Variants in PCDHGA4 observed in about 807,000 individuals in gnomAD.
The protein encoded by PCDHGA4 is protocadherin gamma-A4.
PCDHGA4 carries 38 observed loss-of-function variants against 54.6 expected under a neutral mutation model. The ratio of observed to expected loss-of-function variants is 0.70; its 90% CI spans 0.54 to 0.91. The LOEUF (loss-of-function observed/expected upper bound fraction) is 0.91, where lower values mean the gene tolerates loss of function less well. Among genes scored for constraint, PCDHGA4 ranks in the 40% least tolerant of loss-of-function variants. The probability of loss-of-function intolerance (pLI) is 0.00; values close to 1 mark genes in which losing one functional copy is unlikely to be tolerated. For missense variants in PCDHGA4, 1,298 were observed against 1,220.9 expected (o/e 1.06, Z -0.94); for synonymous variants, 511 against 512.9 (o/e 1.00, Z 0.05).
At chr5:141,362,596 G>T (rs1762590213) in intron 1 of PCDHGA4, 2 of 1,584,024 alleles carry the variant, frequency 1.3e-6, no homozygotes, top group Non-Finnish European at 1.7e-6. Context: ...TGGTTTTATT[G>T]TTTCACCTAA....
chr5:141,413,337 G>A, intron 1 of PCDHGA4: 1 of 1,613,978 alleles, frequency 6.2e-7, no homozygotes, highest in Non-Finnish European at 8.5e-7. Flanking sequence ...ACATCTCCAA[G>A]GACTTGGGTC....
In PCDHGA4 at chr5:141,431,213, TTCCC is replaced by T. The variant is rs1373533151; in HGVS notation, c.2515-63591_2515-63588del. 1 of 1,614,142 alleles carries T rather than the reference TTCCC, an allele frequency of 6.2e-7. No homozygotes were observed. Among genetic ancestry groups the T allele is most frequent in the Admixed American group, 1.7e-5 (1 of 60,020 alleles). On this transcript the variant is annotated intron_variant, in intron 1 of 3. Transcript: ENST00000571252. This position sits in a 1 kb window ranked among gnomAD's most constrained non-coding sequence, Gnocchi z 4.8. ...TGAAAATGCAGCCACTGAGATGCGGTTCCCTCTACCCCACGCCTGGGATCCGGAT... is the reference window on the plus strand; with the variant it reads ...TGAAAATGCAGCCACTGAGATGCGGTTCTACCCCACGCCTGGGATCCGGAT...
rs1289898516 is a variant in PCDHGA4 at position 141,487,019 on chromosome 5, C to G, written c.2515-7788C>G. ...CTATCAGCTCCTGGAGGCCCCAGAT[C>G]CCAGCCTGTTTGCAGTCTCTCGATA... On this transcript the variant is annotated intron_variant, in intron 1 of 3. Transcript: ENST00000571252. The surrounding 1 kb of genome is among the most constrained non-coding windows in gnomAD (Gnocchi z 5.0). 1 of 1,614,204 alleles carries G rather than the reference C, an allele frequency of 6.2e-7. No homozygotes were observed. The highest frequency in any genetic ancestry group is 8.5e-7 in the Non-Finnish European group (1 of 1,180,042).
intron 1 of PCDHGA4, chr5:141,429,167 T>TATAC (rs1240034860): frequency 3.1e-4 from 42 of 136,210 alleles, no homozygotes; most frequent in African/African-American, 7.0e-4. Flanking sequence ...AGACATTGTT[T>TATAC]ATACACACAC....
At chr5:141,462,497 T>C (rs1333421053) in intron 1 of PCDHGA4, among the ~76,000 whole-genome samples, 1 of 152,244 alleles carries the variant, frequency 6.6e-6, no homozygotes, top group Non-Finnish European at 1.5e-5. Flanking sequence ...TATCCTATAA[T>C]TGTCAACTAG....
chr5:141,359,485 A>G (rs1761228046), intron 1 of PCDHGA4, among the ~76,000 whole-genome samples: 2 of 151,316 alleles, frequency 1.3e-5, no homozygotes, highest in Non-Finnish European at 2.9e-5. Flanking sequence ...TTGTATATTC[A>G]TATTACGGAC....
chr5:141,430,904 T>C (rs2097322701), intron 1 of PCDHGA4: 5 of 1,606,730 alleles, frequency 3.1e-6, no homozygotes, highest in Middle Eastern at 1.7e-4. Context: ...GGGCGACATC[T>C]CCAGGGACCT....
chr5:141,421,243 C>T (rs201273667), intron 1 of PCDHGA4: 12 of 1,601,540 alleles, frequency 7.5e-6, no homozygotes, highest in Non-Finnish European at 1.0e-5. Flanking sequence ...GAATCGGCTA[C>T]AGCGCGGGGA....
intron 1 of PCDHGA4, among the ~76,000 whole-genome samples, chr5:141,443,376 T>C (rs1365277469): frequency 6.6e-6 from 1 of 151,990 alleles, no homozygotes; most frequent in Admixed American, 6.6e-5. Flanking sequence ...TCTCAGCTAC[T>C]TGGGAGGCTG....
intron 1 of PCDHGA4, among the ~76,000 whole-genome samples, chr5:141,451,780 C>T (rs988572200): frequency 6.6e-6 from 1 of 152,016 alleles, no homozygotes; most frequent in Non-Finnish European, 1.5e-5. Flanking sequence ...ACTCAGGAGG[C>T]TGAGGCCAGA....
At position 141,361,482 on chromosome 5, in the gene PCDHGA4, C is replaced by T. The variant is rs759187963; in HGVS notation, c.2514+3861C>T. The stretch of plus-strand genomic sequence containing the variant: ...ACATCTCCGACGTCAACGATAATGC[C>T]CCAGTTTTCCAACAGACTTCCTACA... On this transcript the variant is annotated intron_variant, in intron 1 of 3. Coordinates refer to ENST00000571252, the MANE Select transcript of PCDHGA4 (RefSeq NM_018917.4). 1.4e-5 allele frequency: 23 copies of T among 1,613,870 alleles called. No homozygotes were observed. In the Admixed American group the frequency reaches 3.2e-4, roughly 22 times the overall value.
At chr5:141,368,326 T>C (rs1444418576) in intron 1 of PCDHGA4, among the ~76,000 whole-genome samples, 2 of 152,122 alleles carry the variant, frequency 1.3e-5, no homozygotes, top group Non-Finnish European at 2.9e-5. Context: ...TTCAAGTATA[T>C]CTATATCTAT....
At chr5:141,449,328 C>G (rs1340432771) in intron 1 of PCDHGA4, among the ~76,000 whole-genome samples, 1 of 151,866 alleles carries the variant, frequency 6.6e-6, no homozygotes, top group African/African-American at 2.4e-5. Flanking sequence ...ATCTGTAGGC[C>G]AGGTGCAGTG....
intron 1 of PCDHGA4, chr5:141,395,239 T>C: frequency 6.3e-7 from 1 of 1,589,970 alleles, no homozygotes; most frequent in Non-Finnish European, 8.6e-7. Flanking sequence ...CATGGTCAGG[T>C]GAGTTTAGTT....
Position 141,393,514 on chromosome 5 carries a change from A to T in PCDHGA4, c.2514+35893A>T, listed in dbSNP as rs72492419. 17 of 1,613,912 alleles carry T rather than the reference A, an allele frequency of 1.1e-5. No individual in the cohort carries two copies. In the East Asian group the frequency reaches 3.8e-4, roughly 36 times the overall value. Reference sequence around the variant, plus strand: ...GTGCGCATCCACGTGACAGTGTTGGATACAAATGACAATGCCCCGGTTTTT... The same window carrying T: ...GTGCGCATCCACGTGACAGTGTTGGTTACAAATGACAATGCCCCGGTTTTT... On this transcript the variant is annotated intron_variant, in intron 1 of 3. Coordinates refer to ENST00000571252, the MANE Select transcript of PCDHGA4 (RefSeq NM_018917.4).
intron 1 of PCDHGA4, chr5:141,394,006 T>C (rs753433160): frequency 3.1e-6 from 5 of 1,613,358 alleles, no homozygotes; most frequent in Non-Finnish European, 3.4e-6. Context: ...GAAAAGTCAA[T>C]AGGTAATTAT....
Position 141,449,720 on chromosome 5 carries a change from T to C in PCDHGA4, c.2515-45087T>C, listed in dbSNP as rs373093679. 2.4e-4 allele frequency among the ~76,000 whole-genome samples: 36 copies of C among 151,876 alleles called. No individual in the cohort carries two copies. In the East Asian group the frequency reaches 3.1e-3, roughly 13 times the overall value. ...ACACAAACACATTATTTTTATATGA[T>C]ATGATTTTTTTATGACATGATTATT... On this transcript the variant is annotated intron_variant, in intron 1 of 3. Coordinates refer to ENST00000571252, the MANE Select transcript of PCDHGA4 (RefSeq NM_018917.4).
At chr5:141,446,798 T>C (rs1223789118) in intron 1 of PCDHGA4, among the ~76,000 whole-genome samples, 1 of 152,160 alleles carries the variant, frequency 6.6e-6, no homozygotes, top group Non-Finnish European at 1.5e-5. Flanking sequence ...AGTTCTTCCA[T>C]TGTGATCATC....
chr5:141,399,997 A>G, intron 1 of PCDHGA4: 1 of 1,612,344 alleles, frequency 6.2e-7, no homozygotes, highest in Non-Finnish European at 8.5e-7. Context: ...AGAGGTGCGC[A>G]CAGCGCGTGC....
Sources: allele counts gnomAD v4.1 joint callset (sites outside exome capture counted in the v4.1 genomes callset), GRCh38; gene constraint gnomAD v4.1.1; non-coding constraint Gnocchi (gnomAD v3.1); transcripts MANE v1.5; gene names NCBI Gene and HGNC (gene_info 2026-07-23, HGNC 2026-07-21).